The following TRHDE variants were observed in gnomAD, a reference collection of about 807,000 sequenced individuals.
TRHDE encodes the protein thyrotropin-releasing hormone-degrading ectoenzyme.
Under a neutral mutation model 125.7 loss-of-function variants are expected in TRHDE, and 72 were observed. That is an observed-to-expected ratio of 0.57 (90% CI 0.47 to 0.70). The LOEUF is 0.70. Ranked by LOEUF, TRHDE falls within the 30% of genes least tolerant of loss-of-function variation. The pLI is 0.00. For synonymous variants in TRHDE, 509 were observed against 509.1 expected, an observed-to-expected ratio of 1.00 and a Z score of 0.00; for missense variants, 1,110 against 1,327.1, an observed-to-expected ratio of 0.84 and a Z score of 2.54.
intron 12 of TRHDE, among the ~76,000 whole-genome samples, chr12:72,616,759 T>A (rs1355465823): frequency 1.3e-5 from 2 of 152,154 alleles, no homozygotes; most frequent in African/African-American, 4.8e-5. Context: ...AAAGTTTTTT[T>A]AAAAATACAT....
intron 2 of TRHDE, among the ~76,000 whole-genome samples, chr12:72,147,036 C>T (rs1260267629): frequency 6.6e-6 from 1 of 152,138 alleles, no homozygotes; most frequent in Non-Finnish European, 1.5e-5. Flanking sequence ...CGTCACTCTT[C>T]TCTCTTTCTC....
chr12:72,284,746 C>T (rs899256909), intron 1 of TRHDE, among the ~76,000 whole-genome samples: 2 of 152,124 alleles, frequency 1.3e-5, no homozygotes, highest in African/African-American at 4.8e-5. Flanking sequence ...TTAATCCTAC[C>T]GGATGCACTT....
At chr12:72,646,689 C>T (rs1874294149) in intron 15 of TRHDE, among the ~76,000 whole-genome samples, 1 of 151,798 alleles carries the variant, frequency 6.6e-6, no homozygotes, top group Admixed American at 6.6e-5. Context: ...GTAGCTATGT[C>T]TATATAAGAC....
At chr12:72,170,104 G>A (rs1362269005) in intron 2 of TRHDE, among the ~76,000 whole-genome samples, 1 of 152,156 alleles carries the variant, frequency 6.6e-6, no homozygotes, top group Non-Finnish European at 1.5e-5. Context: ...TAGAATGGCA[G>A]GCTCAAGTCC....
chr12:72,638,809 C>A (rs1873891822), intron 15 of TRHDE, among the ~76,000 whole-genome samples: 1 of 152,102 alleles, frequency 6.6e-6, no homozygotes, highest in Non-Finnish European at 1.5e-5. Flanking sequence ...AAATTCTTTT[C>A]TTTAAGAATG....
chr12:72,644,766 G>T (rs1769304818), intron 15 of TRHDE, among the ~76,000 whole-genome samples: 1 of 152,162 alleles, frequency 6.6e-6, no homozygotes, highest in South Asian at 2.1e-4. Flanking sequence ...TGCATCTACT[G>T]CTCAAACTTC....
At chr12:72,321,710 T>G (rs1238250693) in intron 2 of TRHDE, among the ~76,000 whole-genome samples, 1 of 152,198 alleles carries the variant, frequency 6.6e-6, no homozygotes, top group African/African-American at 2.4e-5. Flanking sequence ...TTACTGTGAA[T>G]GCATTATAGA....
At chr12:72,132,394 A>T (rs1304623494) in intron 2 of TRHDE, among the ~76,000 whole-genome samples, 10 of 152,232 alleles carry the variant, frequency 6.6e-5, no homozygotes, top group South Asian at 2.1e-4. Context: ...TTGGGAGAAC[A>T]TTCATGCGCC....
chr12:72,652,180 T>A, intron 15 of TRHDE, 142 bp from the exon 16 acceptor site: 2 of 413,966 alleles, frequency 4.8e-6, no homozygotes, highest in Non-Finnish European at 8.4e-6. Flanking sequence ...TATTACTGTG[T>A]AGTATTCTGT....
At chr12:72,597,215 C>T (rs1033760355) in intron 12 of TRHDE, among the ~76,000 whole-genome samples, 3 of 152,122 alleles carry the variant, frequency 2.0e-5, no homozygotes, top group African/African-American at 7.2e-5. Context: ...TGTGAAAATA[C>T]GAATGTCTCT....
At position 72,238,385 on chromosome 12, in the gene TRHDE, T is replaced by A. The variant is rs1170963034; in HGVS notation, n.279+132633T>A. 8.6e-4 allele frequency among the ~76,000 whole-genome samples: 113 copies of A among 131,410 alleles called. 3 individuals are homozygous for A. Among genetic ancestry groups the A allele is most frequent in the African/African-American group, 2.5e-3 (89 of 35,132 alleles). The allele number at this position is 131,410 out of a possible 152,430, so 86.2% of individuals were successfully genotyped here. A position where few individuals can be genotyped will look rare whatever the true frequency, so the allele number is the denominator to read the frequency against. On this transcript the variant is annotated intron_variant and non_coding_transcript_variant, in intron 2 of 4. Coordinates refer to the TRHDE transcript ENST00000548156. ...TATACACATACATATATATATATTT[T>A]TTTTTAACTTTTTTTGATAAATTAT...
chr12:72,203,836 T>C (rs1189367511), intron 2 of TRHDE, among the ~76,000 whole-genome samples: 1 of 152,178 alleles, frequency 6.6e-6, no homozygotes, highest in Admixed American at 6.5e-5. Flanking sequence ...TCCACATACA[T>C]AGGCCAGACA....
At chr12:72,219,400 C>G (rs1338917135) in intron 2 of TRHDE, among the ~76,000 whole-genome samples, 1 of 151,952 alleles carries the variant, frequency 6.6e-6, no homozygotes, top group Non-Finnish European at 1.5e-5. Flanking sequence ...CTCATGAAAC[C>G]CAAATTGTAG....
At position 72,204,737 on chromosome 12, in the gene TRHDE, T is replaced by C. The variant is rs141898539; in HGVS notation, n.279+98985T>C. Reference sequence around the variant, plus strand: ...ATAACTATCTTTGAATAAAAGACTTTGATAATACCAAAATGTATGCTTATA... The same window carrying C: ...ATAACTATCTTTGAATAAAAGACTTCGATAATACCAAAATGTATGCTTATA... On this transcript the variant is annotated intron_variant and non_coding_transcript_variant, in intron 2 of 4. Coordinates refer to the TRHDE transcript ENST00000548156. Among the ~76,000 whole-genome samples the C allele has an allele frequency of 3.3e-3, 496 of 152,356 alleles. 8 individuals are homozygous for C. Among genetic ancestry groups the C allele is most frequent in the African/African-American group, 0.011 (469 of 41,588 alleles).
intron 6 of TRHDE, among the ~76,000 whole-genome samples, chr12:72,524,045 C>T (rs574818822): frequency 1.3e-5 from 2 of 152,260 alleles, no homozygotes; most frequent in South Asian, 4.1e-4. Context: ...CTCCATTATC[C>T]TCTGCTGTGC....
chr12:72,570,309 T>C (rs1350626020), intron 10 of TRHDE, among the ~76,000 whole-genome samples: 2 of 152,152 alleles, frequency 1.3e-5, no homozygotes, highest in South Asian at 2.1e-4. Flanking sequence ...GGCTGGGCGC[T>C]GTGGCTCATG....
intron 2 of TRHDE, among the ~76,000 whole-genome samples, chr12:72,366,053 G>A (rs1010641402): frequency 9.2e-5 from 14 of 151,928 alleles, no homozygotes; most frequent in African/African-American, 2.7e-4. Flanking sequence ...TCTCCTCTTC[G>A]GAGGTCCAAC....
intron 2 of TRHDE, among the ~76,000 whole-genome samples, chr12:72,219,696 G>A (rs984192384): frequency 6.6e-6 from 1 of 152,126 alleles, no homozygotes; most frequent in Non-Finnish European, 1.5e-5. Flanking sequence ...CACTACAAGT[G>A]CATAGCATTC....
At chr12:72,205,009 C>T (rs554139582) in intron 2 of TRHDE, among the ~76,000 whole-genome samples, 13 of 152,256 alleles carry the variant, frequency 8.5e-5, no homozygotes, top group African/African-American at 3.1e-4. Flanking sequence ...CATAAAATAA[C>T]ATTGTATGCT....
Sources: gnomAD v4.1 joint callset for allele counts (sites outside exome capture counted in the v4.1 genomes callset) on GRCh38, gnomAD v4.1.1 for gene constraint, MANE v1.5 for transcripts, NCBI Gene and HGNC (gene_info 2026-07-23, HGNC 2026-07-21) for gene names.